Variants in CYP2J2 observed in about 807,000 individuals in gnomAD.
CYP2J2 encodes cytochrome P450 2J2.
Under a neutral mutation model 48.8 loss-of-function variants are expected in CYP2J2, and 41 were observed. That is an observed-to-expected ratio of 0.84 (90% CI 0.66 to 1.09). The LOEUF (loss-of-function observed/expected upper bound fraction) is 1.09. Ranked by LOEUF, CYP2J2 falls within the 50% of genes least tolerant of loss-of-function variation. The probability of loss-of-function intolerance (pLI) is 0.00; values close to 1 mark genes in which losing one functional copy is unlikely to be tolerated. For missense variants in CYP2J2, 644 were observed against 617.3 expected (o/e 1.04, Z -0.46); for synonymous variants, 221 against 227.1 (o/e 0.97, Z 0.24).
At chr1:59,934,989 G>GATATATATATAT in the CYP2J2 span, among the ~76,000 whole-genome samples, 1 of 58,390 alleles carries the variant, frequency 1.7e-5, no homozygotes, top group African/African-American at 5.4e-5. Context: ...AAGAAAATGG[G>GATATATATATAT]ATATATATAT....
chr1:59,939,346 C>T, the CYP2J2 span, among the ~76,000 whole-genome samples: 11 of 152,110 alleles, frequency 7.2e-5, no homozygotes, highest in Non-Finnish European at 1.3e-4. Context: ...AGAAGTAATG[C>T]CTTGATGGTC....
At chr1:59,914,917 T>C (rs1644451166) in intron 2 of CYP2J2, among the ~76,000 whole-genome samples, 1 of 152,202 alleles carries the variant, frequency 6.6e-6, no homozygotes, top group Non-Finnish European at 1.5e-5. Context: ...TGTACATTTG[T>C]TCAATGCTGA....
the CYP2J2 span, among the ~76,000 whole-genome samples, chr1:59,933,468 C>A: frequency 2.6e-5 from 4 of 152,030 alleles, 1 homozygote; most frequent in African/African-American, 2.4e-5. Context: ...AAAAATATCC[C>A]TTTCAGATTG....
the CYP2J2 span, among the ~76,000 whole-genome samples, chr1:59,958,124 C>G: frequency 1.3e-5 from 2 of 152,048 alleles, no homozygotes; most frequent in East Asian, 3.9e-4. Context: ...AACTGATTAC[C>G]CAATTTCTCC....
upstream of CYP2J2, among the ~76,000 whole-genome samples, chr1:59,927,808 G>T (rs1352373644): frequency 6.6e-6 from 1 of 152,108 alleles, no homozygotes; most frequent in East Asian, 1.9e-4. Context: ...CCTGACCATA[G>T]GTGATCTGCC....
intron 1 of CYP2J2, among the ~76,000 whole-genome samples, chr1:59,918,656 A>G (rs948111621): frequency 2.0e-5 from 3 of 151,724 alleles, no homozygotes; most frequent in African/African-American, 7.3e-5. Flanking sequence ...ATTGTATATC[A>G]TTAAATGAGC....
At chr1:59,930,993 C>T (rs1427074514), upstream of CYP2J2, among the ~76,000 whole-genome samples, 2 of 152,088 alleles carry the variant, frequency 1.3e-5, no homozygotes, top group East Asian at 3.8e-4. Flanking sequence ...GTCTGGTTTC[C>T]AGTCCAGTGT....
intron 1 of CYP2J2, among the ~76,000 whole-genome samples, chr1:59,917,992 A>G (rs1644481754): frequency 6.6e-6 from 1 of 152,178 alleles, no homozygotes; most frequent in African/African-American, 2.4e-5. Context: ...TTGCTCCCAC[A>G]TTAAAGTCCA....
chr1:59,965,800 C>T, the CYP2J2 span, among the ~76,000 whole-genome samples: 1 of 152,048 alleles, frequency 6.6e-6, no homozygotes, highest in African/African-American at 2.4e-5. Context: ...TACAGGCACC[C>T]CCCACCGTGC....
At chr1:59,911,538 G>T (rs1644413750) in intron 4 of CYP2J2, 70 bp downstream of exon 4, 2 of 1,183,972 alleles carry the variant, frequency 1.7e-6, no homozygotes, top group Admixed American at 2.8e-5. Flanking sequence ...AAACTAAAAG[G>T]AAAAACCCAT....
At chr1:59,920,179 GACAA>G (rs934743494) in intron 1 of CYP2J2, among the ~76,000 whole-genome samples, 12 of 151,214 alleles carry the variant, frequency 7.9e-5, no homozygotes, top group Admixed American at 4.0e-4. Flanking sequence ...CCAAAAAACA[GACAA>G]ACAAAAACCA....
chr1:59,949,817 T>C, the CYP2J2 span, among the ~76,000 whole-genome samples: 1 of 152,000 alleles, frequency 6.6e-6, no homozygotes, highest in Admixed American at 6.6e-5. Flanking sequence ...TTTTTTTTTT[T>C]AATGGCTCCA....
upstream of CYP2J2, among the ~76,000 whole-genome samples, chr1:59,930,803 G>T (rs1274419465): frequency 6.6e-6 from 1 of 151,928 alleles, no homozygotes; most frequent in Non-Finnish European, 1.5e-5. Context: ...TTTATTGCTA[G>T]CAGACTTTAA....
chr1:59,963,628 A>G, the CYP2J2 span, among the ~76,000 whole-genome samples: 1 of 152,148 alleles, frequency 6.6e-6, no homozygotes, highest in Non-Finnish European at 1.5e-5. Context: ...GGCTATTGTA[A>G]TTAATGCTTC....
the CYP2J2 span, among the ~76,000 whole-genome samples, chr1:59,955,163 A>AAATG: frequency 2.7e-5 from 4 of 149,512 alleles, no homozygotes; most frequent in African/African-American, 9.8e-5. Flanking sequence ...ATAAATAAAT[A>AAATG]AATAAATAAT....
the CYP2J2 span, among the ~76,000 whole-genome samples, chr1:59,966,462 G>A: frequency 6.6e-6 from 1 of 152,164 alleles, no homozygotes; most frequent in African/African-American, 2.4e-5. Flanking sequence ...GAAACTGAAA[G>A]TCACGTAGAT....
Position 59,901,120 on chromosome 1 carries a change from A to G in CYP2J2, c.1192-17T>C. 6.2e-7 allele frequency: 1 copy of G among 1,610,680 alleles called. No homozygotes were observed. Among genetic ancestry groups the G allele is most frequent in the Non-Finnish European group, 8.5e-7 (1 of 1,177,204 alleles). ...CATGGTACCCTAGAGAAAGCAGCAG[A>G]GACTCAGGCAAGGCTTGACCCATGA... is the stretch of plus-strand genomic sequence containing the variant. On this transcript the variant is annotated splice_polypyrimidine_tract_variant and intron_variant, in intron 7 of 8. Coordinates refer to ENST00000371204, the MANE Select transcript of CYP2J2 (RefSeq NM_000775.4).
chr1:59,909,014 C>T (rs756638352), intron 5 of CYP2J2, among the ~76,000 whole-genome samples: 1 of 152,150 alleles, frequency 6.6e-6, no homozygotes, highest in Non-Finnish European at 1.5e-5. Flanking sequence ...TAGAACAGAG[C>T]TTTGAGGATT....
chr1:59,911,530 A>T, intron 4 of CYP2J2, 78 bp downstream of exon 4: 1 of 1,097,670 alleles, frequency 9.1e-7, no homozygotes. Context: ...CCCAAAAAAA[A>T]CTAAAAGGAA....
Sources: allele counts gnomAD v4.1 joint callset (sites outside exome capture counted in the v4.1 genomes callset), GRCh38; gene constraint gnomAD v4.1.1; transcripts MANE v1.5; gene names NCBI Gene and HGNC (gene_info 2026-07-23, HGNC 2026-07-21).